Variants in SNRK observed in about 807,000 individuals in gnomAD.
SNRK encodes the protein SNF related kinase.
A neutral mutation model predicts 48.2 loss-of-function variants in SNRK; 3 were observed. That is an observed-to-expected ratio of 0.06 (90% CI 0.03 to 0.16). The LOEUF is 0.16. Among genes scored for constraint, SNRK ranks in the 10% least tolerant of loss-of-function variants. The pLI is 1.00. For synonymous variants in SNRK, 376 were observed against 366.1 expected, an observed-to-expected ratio of 1.03 and a Z score of -0.31; for missense variants, 627 against 976.0, an observed-to-expected ratio of 0.64 and a Z score of 4.76.
Position 43,348,134 on chromosome 3 carries a change from C to T in SNRK, c.1875C>T (p.Arg625=), listed in dbSNP as rs1267805014. The T allele has an allele frequency of 6.3e-7, 1 of 1,579,156 alleles. No individual in the cohort carries two copies. The highest frequency in any genetic ancestry group is 8.6e-7 in the Non-Finnish European group (1 of 1,163,516). The change falls in exon 7 of 7, where the codon CGC becomes CGT. Residue 625 remains arginine, a synonymous_variant. Coordinates refer to ENST00000296088, the MANE Select transcript of SNRK (RefSeq NM_017719.5). Reference sequence around the variant, plus strand: ...CCAATACATCGGGTACCACACGCCGCTGTGCCGGCCCCAGCAACTCCATGC... The same window carrying T: ...CCAATACATCGGGTACCACACGCCGTTGTGCCGGCCCCAGCAACTCCATGC... ...NPTNTSGTTR[R]CAGPSNSMQL...
intron 3 of SNRK, among the ~76,000 whole-genome samples, chr3:43,308,323 G>A (rs1277862049): frequency 2.6e-5 from 4 of 152,198 alleles, no homozygotes; most frequent in Non-Finnish European, 4.4e-5. Context: ...GATTTTTGAT[G>A]TAACTAAAAC....
intron 3 of SNRK, among the ~76,000 whole-genome samples, chr3:43,321,680 A>G (rs2091054684): frequency 6.6e-6 from 1 of 152,234 alleles, no homozygotes; most frequent in Non-Finnish European, 1.5e-5. Context: ...GAATCATGAA[A>G]TCATCATCAA....
intron 3 of SNRK, among the ~76,000 whole-genome samples, chr3:43,326,120 T>G (rs531043356): frequency 1.3e-5 from 2 of 152,232 alleles, no homozygotes; most frequent in East Asian, 3.9e-4. Flanking sequence ...TGATAACACT[T>G]TGACTTCTTG....
chr3:43,344,873 C>T (rs993086268), intron 6 of SNRK, among the ~76,000 whole-genome samples: 4 of 152,148 alleles, frequency 2.6e-5, no homozygotes, highest in Non-Finnish European at 4.4e-5. Context: ...GAGCTACCAC[C>T]AGGCTTCTGG....
rs995522012 is a variant in SNRK at position 43,303,335 on chromosome 3, A to T, written c.132A>T (p.Val44=). ...TCTTTACGGGTGAAAAGGTGGCAGT[A>T]AAAGTTATTGACAAGACAAAACTGG... ...RHVFTGEKVA[V]KVIDKTKLDT... The change falls in exon 3 of 7, where the codon GTA becomes GTT. Residue 44 remains valine (V), a synonymous_variant. Transcript: ENST00000296088. The surrounding 1 kb of genome is among the most constrained non-coding windows in gnomAD (Gnocchi z 6.2). 1 of 1,614,196 alleles carries T rather than the reference A, an allele frequency of 6.2e-7. No homozygotes were observed. The highest frequency in any genetic ancestry group is 1.3e-5 in the African/African-American group (1 of 75,046).
chr3:43,302,082 C>T (rs1238637142), intron 2 of SNRK, among the ~76,000 whole-genome samples: 1 of 152,122 alleles, frequency 6.6e-6, no homozygotes, highest in African/African-American at 2.4e-5. Context: ...TGCCTGTTTA[C>T]TCTTGGAATA....
chr3:43,341,372 C>T (rs1212876993), intron 5 of SNRK, among the ~76,000 whole-genome samples: 3 of 152,080 alleles, frequency 2.0e-5, no homozygotes, highest in African/African-American at 7.2e-5. Context: ...AGGATGGTCT[C>T]GATCTCCTGA....
At chr3:43,343,692 G>T (rs1481400764) in intron 6 of SNRK, among the ~76,000 whole-genome samples, 1 of 152,150 alleles carries the variant, frequency 6.6e-6, no homozygotes, top group African/African-American at 2.4e-5. Flanking sequence ...GGGCTCAGTG[G>T]GGACCGGGGC....
chr3:43,342,871 T>C (rs1339043344), intron 5 of SNRK, among the ~76,000 whole-genome samples: 1 of 152,252 alleles, frequency 6.6e-6, no homozygotes, highest in African/African-American at 2.4e-5. Flanking sequence ...TGCCAGTAAA[T>C]GCAGAGGGAG....
At chr3:43,294,847 A>C (rs1325179755) in intron 1 of SNRK, among the ~76,000 whole-genome samples, 1 of 152,162 alleles carries the variant, frequency 6.6e-6, no homozygotes, top group Non-Finnish European at 1.5e-5. Flanking sequence ...CAGTGTTAAT[A>C]AAAGCTTTAG....
At chr3:43,294,070 A>G (rs2090834110) in intron 1 of SNRK, among the ~76,000 whole-genome samples, 1 of 152,172 alleles carries the variant, frequency 6.6e-6, no homozygotes, top group Non-Finnish European at 1.5e-5. Flanking sequence ...ATTGTGTTTT[A>G]TTTAACCATC....
intron 3 of SNRK, among the ~76,000 whole-genome samples, chr3:43,310,539 G>A (rs1018743787): frequency 6.6e-6 from 1 of 151,766 alleles, no homozygotes; most frequent in East Asian, 1.9e-4. Context: ...TCCCTTTCTT[G>A]GATTATTTTT....
chr3:43,317,627 C>G (rs2091023354), intron 3 of SNRK, among the ~76,000 whole-genome samples: 2 of 152,220 alleles, frequency 1.3e-5, no homozygotes. Flanking sequence ...CACTACCTTC[C>G]TGGTTGCTCC....
At chr3:43,326,932 TA>T (rs1224101312) in intron 3 of SNRK, among the ~76,000 whole-genome samples, 1 of 152,226 alleles carries the variant, frequency 6.6e-6, no homozygotes, top group African/African-American at 2.4e-5. Flanking sequence ...ACCTTGCTTC[TA>T]ACTAGAGTAT....
At chr3:43,317,960 A>G (rs1411643628) in intron 3 of SNRK, among the ~76,000 whole-genome samples, 1 of 152,182 alleles carries the variant, frequency 6.6e-6, no homozygotes, top group African/African-American at 2.4e-5. Flanking sequence ...CCAGACACAA[A>G]ATTAGCCCTC....
chr3:43,345,190 C>CT (rs945867576), intron 6 of SNRK, among the ~76,000 whole-genome samples: 19 of 152,174 alleles, frequency 1.2e-4, no homozygotes, highest in Non-Finnish European at 2.4e-4. Context: ...CTATGAGCAC[C>CT]TTTTTTTCTA....
chr3:43,287,056 C>A (rs2090771089), intron 1 of SNRK, among the ~76,000 whole-genome samples: 1 of 150,476 alleles, frequency 6.6e-6, no homozygotes, highest in East Asian at 2.0e-4. Flanking sequence ...GTGCGGCGCC[C>A]GCGGGGCCCC....
At chr3:43,342,132 G>A (rs1342276601) in intron 5 of SNRK, among the ~76,000 whole-genome samples, 1 of 152,118 alleles carries the variant, frequency 6.6e-6, no homozygotes, top group Non-Finnish European at 1.5e-5. Flanking sequence ...ATATATACAT[G>A]TAGTAGTGTC....
In SNRK at chr3:43,349,675, T is replaced by C. The variant is rs1331918612; in HGVS notation, c.*1118T>C. 1 of 152,254 alleles carries C rather than the reference T, an allele frequency of 6.6e-6. No individual in the cohort carries two copies. Among genetic ancestry groups the C allele is most frequent in the Admixed American group, 6.5e-5 (1 of 15,290 alleles). 9.4% of individuals were successfully genotyped at this position (152,254 alleles called of 1,614,324 possible). A position where few individuals can be genotyped will look rare whatever the true frequency, so the allele number is the denominator to read the frequency against. ...GTAACTTTTTTTTCTGGAATTGTTT[T>C]TCACTTTGCCTTTTTCTGCCAAAAC... On this transcript the variant is annotated 3_prime_UTR_variant, in exon 7 of 7. Transcript: ENST00000296088.
Sources: gnomAD v4.1 joint callset for allele counts (sites outside exome capture counted in the v4.1 genomes callset) on GRCh38, gnomAD v4.1.1 for gene constraint, Gnocchi (gnomAD v3.1) non-coding constraint, MANE v1.5 for transcripts, NCBI Gene and HGNC (gene_info 2026-07-23, HGNC 2026-07-21) for gene names.